ZNF521: variants seen among roughly 807,000 people sequenced by gnomAD.
ZNF521 encodes the protein zinc finger protein 521.
Under a neutral mutation model 105.5 loss-of-function variants are expected in ZNF521, and 14 were observed. That is an observed-to-expected ratio of 0.13 (90% CI 0.09 to 0.21). ZNF521 has a LOEUF of 0.21. Ranked by LOEUF, ZNF521 falls within the 10% of genes least tolerant of loss-of-function variation. ZNF521 has a pLI of 1.00. For missense variants in ZNF521, 1,233 were observed against 1,629.7 expected (o/e 0.76, Z 4.19); for synonymous variants, 635 against 606.0 (o/e 1.05, Z -0.70).
chr18:25,088,604 C>A (rs1446432987), intron 7 of ZNF521, among the ~76,000 whole-genome samples: 2 of 152,098 alleles, frequency 1.3e-5, no homozygotes, highest in Non-Finnish European at 2.9e-5. Flanking sequence ...CAGATCATTT[C>A]ATCAGAAAAA....
chr18:25,149,835 C>A (rs1192252551), intron 5 of ZNF521, among the ~76,000 whole-genome samples: 4 of 152,134 alleles, frequency 2.6e-5, no homozygotes, highest in Non-Finnish European at 4.4e-5. Context: ...TGAGACTCTG[C>A]CACCTGGGTG....
chr18:25,211,716 CAT>C (rs1312354385), intron 4 of ZNF521, among the ~76,000 whole-genome samples: 6 of 152,092 alleles, frequency 3.9e-5, no homozygotes, highest in African/African-American at 1.4e-4. Flanking sequence ...GTTTGGTAAA[CAT>C]AAATTATTTT....
At chr18:25,200,327 GGATAGAATTGGCTC>G (rs1568006353) in intron 4 of ZNF521, among the ~76,000 whole-genome samples, 1 of 152,060 alleles carries the variant, frequency 6.6e-6, no homozygotes, top group Non-Finnish European at 1.5e-5. Flanking sequence ...AAGATTCATA[GGATAGAATTGGCTC>G]TTAATTCCTT....
In ZNF521 at chr18:25,236,333, C is replaced by T. The variant is rs181970672; in HGVS notation, c.221-8636G>A. On this transcript the variant is annotated intron_variant, in intron 3 of 7. Coordinates refer to ENST00000361524, the MANE Select transcript of ZNF521 (RefSeq NM_015461.3). ...GGCAGACTGCCTGAGCCCAGGAGTTCGAGATCAGCCTGGATAACATGGTGA... is the reference window on the plus strand; with the variant it reads ...GGCAGACTGCCTGAGCCCAGGAGTTTGAGATCAGCCTGGATAACATGGTGA... Among the ~76,000 whole-genome samples the T allele has an allele frequency of 2.8e-3, 428 of 152,196 alleles. 2 individuals carry two copies. Among genetic ancestry groups the T allele is most frequent in the African/African-American group, 9.7e-3 (403 of 41,518 alleles).
At chr18:25,255,983 A>C (rs982339948) in intron 3 of ZNF521, among the ~76,000 whole-genome samples, 18 of 147,992 alleles carry the variant, frequency 1.2e-4, no homozygotes, top group Admixed American at 1.1e-3. Context: ...TGTTATATAC[A>C]TGGTATATAT....
intron 5 of ZNF521, among the ~76,000 whole-genome samples, chr18:25,116,951 ATATG>A (rs1225228263): frequency 4.5e-5 from 6 of 134,368 alleles, no homozygotes; most frequent in African/African-American, 1.5e-4. Context: ...ATACACATAT[ATATG>A]TATATATGTA....
intron 5 of ZNF521, among the ~76,000 whole-genome samples, chr18:25,132,383 C>T (rs1458014730): frequency 6.6e-6 from 1 of 152,136 alleles, no homozygotes; most frequent in African/African-American, 2.4e-5. Flanking sequence ...TGAGCAACTG[C>T]ACACTCCTGA....
chr18:25,313,880 T>A (rs1912461083), intron 3 of ZNF521, among the ~76,000 whole-genome samples: 1 of 152,068 alleles, frequency 6.6e-6, no homozygotes, highest in Non-Finnish European at 1.5e-5. Flanking sequence ...TTTTGGGGGC[T>A]TAGGGAGATT....
intron 5 of ZNF521, among the ~76,000 whole-genome samples, chr18:25,130,187 A>C (rs2034614274): frequency 6.6e-6 from 1 of 152,218 alleles, no homozygotes; most frequent in African/African-American, 2.4e-5. Context: ...CAAGTCATGA[A>C]ACACATGGAT....
At chr18:25,195,654 T>C (rs2035890507) in intron 4 of ZNF521, among the ~76,000 whole-genome samples, 1 of 151,850 alleles carries the variant, frequency 6.6e-6, no homozygotes, top group East Asian at 1.9e-4. Flanking sequence ...AACTGGGGTG[T>C]TGCTTCTAGA....
intron 3 of ZNF521, among the ~76,000 whole-genome samples, chr18:25,285,242 C>T (rs758319909): frequency 4.6e-5 from 7 of 152,150 alleles, no homozygotes; most frequent in East Asian, 1.9e-4. Context: ...CTTGGGGACA[C>T]GCAACAATAT....
At chr18:25,301,894 ATGCTTTTGGGTAACAGCTTGTGG>A (rs1204982679) in intron 3 of ZNF521, 2 of 152,176 alleles carry the variant, frequency 1.3e-5, no homozygotes, top group Non-Finnish European at 2.9e-5. Flanking sequence ...CATCCAGAAT[ATGCTTTTGGGTAACAGCTTGTGG>A]TGTGATTCAT....
chr18:25,062,749 T>TAAAAAAAAAA lies in ZNF521; in HGVS notation c.3907-9_3907-8insTTTTTTTTTT. 1 of 204,580 alleles carries TAAAAAAAAAA rather than the reference T, an allele frequency of 4.9e-6. No individual in the cohort carries two copies. Among genetic ancestry groups the TAAAAAAAAAA allele is most frequent in the East Asian group, 7.5e-5 (1 of 13,286 alleles). The allele number at this position is 204,580 out of a possible 1,614,324, so 12.7% of individuals were successfully genotyped here. A position where few individuals can be genotyped will look rare whatever the true frequency, so the allele number is the denominator to read the frequency against. The stretch of plus-strand genomic sequence containing the variant: ...TTGGGTCATTGTATGATTCTGTAAA[T>TAAAAAAAAAA]AACAAAAAAAAAAAAAAAAAAAAAA... On this transcript the variant is annotated splice_polypyrimidine_tract_variant and intron_variant, in intron 7 of 7. Coordinates refer to ENST00000361524, the MANE Select transcript of ZNF521 (RefSeq NM_015461.3).
chr18:25,352,123 G>C lies in ZNF521; in HGVS notation c.-120C>G, dbSNP rs746119437. ...GGGGGCCCCTAACCCGCAGGGACTC[G>C]CTCTGTACGTAATCACTGAGGAAAT... is the stretch of plus-strand genomic sequence containing the variant. On this transcript the variant is annotated 5_prime_UTR_variant, in exon 1 of 8. Coordinates refer to ENST00000361524, the MANE Select transcript of ZNF521 (RefSeq NM_015461.3). 1 of 457,918 alleles carries C rather than the reference G, an allele frequency of 2.2e-6. No homozygotes were observed. Among genetic ancestry groups the C allele is most frequent in the Non-Finnish European group, 4.4e-6 (1 of 225,544 alleles). The allele number at this position is 457,918 out of a possible 1,614,324, so 28.4% of individuals were successfully genotyped here. A position where few individuals can be genotyped will look rare whatever the true frequency, so the allele number is the denominator to read the frequency against.
chr18:25,154,555 A>ACCTCAT (rs2035108130), intron 5 of ZNF521, among the ~76,000 whole-genome samples: 1 of 152,144 alleles, frequency 6.6e-6, no homozygotes, highest in Non-Finnish European at 1.5e-5. Context: ...TGAGGTACCA[A>ACCTCAT]CCTCATCCCA....
rs536614352 is a variant in ZNF521, at chr18:25,284,318, CAT to C, written c.220+37688_220+37689del. Reference sequence around the variant, plus strand: ...TATGATAAACATTTACACACACACACATACACACACTAAACGCACTGCTCTAG... The same window carrying C: ...TATGATAAACATTTACACACACACACACACACACTAAACGCACTGCTCTAG... On this transcript the variant is annotated intron_variant, in intron 3 of 7. Coordinates refer to ENST00000361524, the MANE Select transcript of ZNF521 (RefSeq NM_015461.3). Among the ~76,000 whole-genome samples, 80 of 152,306 alleles carry C rather than the reference CAT, an allele frequency of 5.3e-4. 1 individual carries two copies. Among genetic ancestry groups the C allele is most frequent in the South Asian group, 5.0e-3 (24 of 4,822 alleles).
intron 4 of ZNF521, among the ~76,000 whole-genome samples, chr18:25,212,539 ATATATATAT>A (rs1474805492): frequency 4.2e-4 from 20 of 47,902 alleles, no homozygotes; most frequent in African/African-American, 2.1e-3. Flanking sequence ...AAAAAAAAAA[ATATATATAT>A]ATATATATAT....
chr18:25,138,288 T>C (rs2034774392), intron 5 of ZNF521, among the ~76,000 whole-genome samples: 1 of 152,132 alleles, frequency 6.6e-6, no homozygotes. Context: ...TTCAAAGAAC[T>C]TGTGAAGGAA....
In ZNF521 at chr18:25,115,445, TA is replaced by T. The variant is rs552351423; in HGVS notation, c.3659-23365del. ...TCTTTTCCCCTTTAAATTTAACGAA[TA>T]AAAAAAAACAGAAAAAGAAAATCAA... On this transcript the variant is annotated intron_variant, in intron 5 of 7. Transcript: ENST00000361524. Among the ~76,000 whole-genome samples the T allele has an allele frequency of 5.9e-3, 885 of 150,912 alleles. 6 individuals carry two copies. The highest frequency in any genetic ancestry group is 0.02 in the African/African-American group (808 of 41,170).
Sources: allele counts gnomAD v4.1 joint callset (sites outside exome capture counted in the v4.1 genomes callset), GRCh38; gene constraint gnomAD v4.1.1; transcripts MANE v1.5; gene names NCBI Gene and HGNC (gene_info 2026-07-23, HGNC 2026-07-21).